TTN: variants seen among roughly 807,000 people sequenced by gnomAD.
The protein encoded by TTN is connectin.
A neutral mutation model predicts 3,223.0 loss-of-function variants in TTN; 1,525 were observed. The ratio of observed to expected loss-of-function variants is 0.47; its 90% confidence interval spans 0.45 to 0.49. The LOEUF is 0.49. Ranked by LOEUF, TTN falls within the 20% of genes least tolerant of loss-of-function variation. The probability of loss-of-function intolerance (pLI) is 0.00; values close to 1 mark genes in which losing one functional copy is unlikely to be tolerated. For synonymous variants in TTN, 14,094 were observed against 15,161.0 expected (o/e 0.93, Z 5.17); for missense variants, 40,786 against 43,424.0 (o/e 0.94, Z 5.40).
Position 178,659,157 on chromosome 2 carries a change from C to G in TTN, c.37369+15G>C. 1.6e-6 allele frequency: 1 copy of G among 644,500 alleles called. No homozygotes were observed. Among genetic ancestry groups the G allele is most frequent in the Non-Finnish European group, 2.5e-6 (1 of 396,382 alleles). The allele number at this position is 644,500 out of a possible 1,614,324, so 39.9% of individuals were successfully genotyped here. A position where few individuals can be genotyped will look rare whatever the true frequency, so the allele number is the denominator to read the frequency against. Reference sequence around the variant, plus strand: ...AAACAAACAATATCAAACACAGCAACAAGAGGGTGTCTACCTTTTGTGGGT... The same window carrying G: ...AAACAAACAATATCAAACACAGCAAGAAGAGGGTGTCTACCTTTTGTGGGT... On this transcript the variant is annotated intron_variant, in intron 181 of 362. Transcript: ENST00000589042.
At chr2:178,733,946 A>G (rs969262550) in intron 52 of TTN, 54 bp from the exon 53 acceptor site, 2 of 1,482,406 alleles carry the variant, frequency 1.3e-6, no homozygotes, top group South Asian at 1.4e-5. Context: ...CACTTTCAAC[A>G]CCATCTATAT....
chr2:178,529,035 A>T lies in TTN; in HGVS notation c.106716T>A (p.Ile35572=). 1 of 1,613,952 alleles carries T rather than the reference A, an allele frequency of 6.2e-7. No individual in the cohort carries two copies. ...CTGCTGATTTCTTGACTTCTTCAGAAATCAGAACCTTTGAAGCTTCCTCTT... is the reference window on the plus strand; with the variant it reads ...CTGCTGATTTCTTGACTTCTTCAGATATCAGAACCTTTGAAGCTTCCTCTT... ...ALKEEASKVL[I]SEEVKKSAAT... The change falls in exon 360 of 363, where the codon ATT becomes ATA. Residue 35572 remains isoleucine (I), a synonymous_variant. Coordinates refer to ENST00000589042, the MANE Select transcript of TTN (RefSeq NM_001267550.2).
In TTN at chr2:178,557,915, TAAC is replaced by T; in HGVS notation, c.87436_87438del (p.Val29146del). Reference sequence around the variant, plus strand: ...ACACTTTCTTCAGTTATATCACTAATAACAACAGGGCCAGTTGGAGGACCAGGC... The same window carrying T: ...ACACTTTCTTCAGTTATATCACTAATAACAGGGCCAGTTGGAGGACCAGGC... On this transcript the variant is annotated inframe_deletion, in exon 328 of 363. Transcript: ENST00000589042. 3.7e-6 allele frequency: 6 copies of T among 1,613,480 alleles called. No homozygotes were observed. Among genetic ancestry groups the T allele is most frequent in the Non-Finnish European group, 5.1e-6 (6 of 1,179,856 alleles).
At chr2:178,799,221 C>T (rs1273545127) in intron 6 of TTN, 3 of 463,942 alleles carry the variant, frequency 6.5e-6, no homozygotes, top group African/African-American at 2.0e-5. Context: ...CCAAGATCAC[C>T]CTGACCTGCC....
chr2:178,583,170 C>G lies in TTN; in HGVS notation c.65633G>C (p.Gly21878Ala), dbSNP rs767001973. 8.7e-6 allele frequency: 14 copies of G among 1,611,764 alleles called. No individual in the cohort carries two copies. Among genetic ancestry groups the G allele is most frequent in the East Asian group, 2.2e-5 (1 of 44,596 alleles). Residue 21878 changes from glycine (G) to alanine (A), a missense_variant, in exon 313 of 363, where the codon GGA (glycine) becomes GCA (alanine). Gly to Ala is a moderately conservative substitution (Grantham distance 60). Transcript: ENST00000589042. ...AGTAGCATCCAAGCAGACATTAGTT[C>G]CAGCTTTCACAGTAAGCAAAGATTT... ...AMKSLLTVKA[G>A]TNVCLDATVF...
In TTN at chr2:178,561,779, C is replaced by T. The variant is rs72648220; in HGVS notation, c.84353G>A (p.Arg28118His). 30 of 1,613,560 alleles carry T rather than the reference C, an allele frequency of 1.9e-5. No individual in the cohort carries two copies. Among genetic ancestry groups the T allele is most frequent in the Admixed American group, 1.0e-4 (6 of 59,994 alleles). Reference sequence around the variant, plus strand: ...CTGATACTCACTTCCTGTTGTCAGGCGAACTATTTTAATGGATGTTCTTGC... The same window carrying T: ...CTGATACTCACTTCCTGTTGTCAGGTGAACTATTTTAATGGATGTTCTTGC... ...AVARTSIKIV[R>H]LTTGSEYQFR... is the part of the protein sequence containing the mutation. Residue 28118 changes from arginine (R) to histidine (H), a missense_variant, in exon 326 of 363, where the codon CGC (arginine) becomes CAC (histidine). Transcript: ENST00000589042.
chr2:178,681,967 TC>T (rs1468078479), intron 135 of TTN, among the ~76,000 whole-genome samples: 1 of 152,008 alleles, frequency 6.6e-6, no homozygotes, highest in East Asian at 1.9e-4. Context: ...TCATTTCATT[TC>T]AGGTAGATAA....
chr2:178,628,227 AG>A (rs551341882), intron 240 of TTN, among the ~76,000 whole-genome samples: 176 of 152,192 alleles, frequency 1.2e-3, no homozygotes, highest in Non-Finnish European at 1.4e-3. Flanking sequence ...TTTGTTTCAA[AG>A]CAGTTACTTG....
intron 253 of TTN, 65 bp from the exon 254 acceptor site, chr2:178,617,577 G>A: frequency 1.4e-6 from 2 of 1,468,298 alleles, no homozygotes; most frequent in Non-Finnish European, 1.8e-6. Context: ...AAACAGTGTT[G>A]TAATCAATTA....
chr2:178,672,227 G>T lies in TTN; in HGVS notation c.34971C>A (p.Arg11657=), dbSNP rs2067128451. The stretch of plus-strand genomic sequence containing the variant: ...GTCTTTCTTTTACTACTACTTCTTG[G>T]CGGAAGGCAACTGATACTTTTTCTT... ...VLEEKVSVAF[R]QEVVVKERLE... is the part of the protein sequence containing the mutation. Residue 11657 remains arginine (R), a synonymous_variant, in exon 155 of 363, where the codon CGC becomes CGA. Coordinates refer to ENST00000589042, the MANE Select transcript of TTN (RefSeq NM_001267550.2). 3.2e-6 allele frequency: 5 copies of T among 1,566,588 alleles called. No homozygotes were observed. In the African/African-American group the frequency reaches 5.5e-5, roughly 17 times the overall value.
intron 47 of TTN, chr2:178,750,093 C>A: frequency 6.2e-7 from 1 of 1,613,144 alleles, no homozygotes; most frequent in Non-Finnish European, 8.5e-7. Flanking sequence ...TGAATTTCTA[C>A]AGGAAAGGAA....
chr2:178,714,163 A>C lies in TTN; in HGVS notation c.26495T>G (p.Ile8832Ser). ...ATLSVLEPAT[I>S]VEKPESIKVT... ...TTTTATGGATTCTGGCTTTTCTACA[A>C]TTGTTGCAGGCTCTGGAATGAAATG... Residue 8832 changes from isoleucine (I) to serine (S), a missense_variant, in exon 92 of 363, where the codon ATT (isoleucine) becomes AGT (serine). Coordinates refer to ENST00000589042, the MANE Select transcript of TTN (RefSeq NM_001267550.2). 1.2e-6 allele frequency: 2 copies of C among 1,610,344 alleles called. No individual in the cohort carries two copies. Among genetic ancestry groups the C allele is most frequent in the Non-Finnish European group, 1.7e-6 (2 of 1,178,300 alleles).
chr2:178,528,704 C>T lies in TTN; in HGVS notation c.107047G>A (p.Glu35683Lys). Residue 35683 changes from glutamate (E) to lysine (K), a missense_variant, in exon 360 of 363, where the codon GAA becomes AAA. Physicochemically the swap from Glu to Lys is moderately conservative, Grantham distance 56. Coordinates refer to ENST00000589042, the MANE Select transcript of TTN (RefSeq NM_001267550.2). Reference protein sequence around the residue: ...GILTCISKTKEGIVKCQYDLT... With the variant: ...GILTCISKTKKGIVKCQYDLT... ...TCATACTGACACTTGACGATTCCTT[C>T]CTTGGTTTTGCTTATGCAGGTGAGG... 6.2e-7 allele frequency: 1 copy of T among 1,613,570 alleles called. No individual in the cohort carries two copies. The highest frequency in any genetic ancestry group is 1.1e-5 in the South Asian group (1 of 91,004).
At position 178,576,042 on chromosome 2, in the gene TTN, T is replaced by A; in HGVS notation, c.70090A>T (p.Ile23364Leu). ...GGACGACCTTTAATTGGCACAAATA[T>A]CCTAATACTGAGTCCTGCTCTAACA... is the stretch of plus-strand genomic sequence containing the variant. Reference protein sequence around the residue: ...LVVRAGLSIRIFVPIKGRPAP... With the variant: ...LVVRAGLSIRLFVPIKGRPAP... Residue 23364 changes from isoleucine (I) to leucine (L), a missense_variant, in exon 326 of 363, where the codon ATA (isoleucine) becomes TTA (leucine). Coordinates refer to ENST00000589042, the MANE Select transcript of TTN (RefSeq NM_001267550.2). The surrounding 1 kb of genome is among the most constrained non-coding windows in gnomAD (Gnocchi z 4.3). The A allele has an allele frequency of 5.6e-6, 9 of 1,613,516 alleles. No homozygotes were observed. The highest frequency in any genetic ancestry group is 7.6e-6 in the Non-Finnish European group (9 of 1,179,620).
Position 178,575,749 on chromosome 2 carries a change from T to C in TTN, c.70383A>G (p.Ile23461Met). ...AGTTTGTTATACGTGAGCCTCCATC[T>C]ATCAGAGGGAGGTCCCAGTGCAGGG... ...SVTLHWDLPL[I>M]DGGSRITNYI... The change falls in exon 326 of 363, where the codon ATA becomes ATG. Residue 23461 changes from isoleucine to methionine, a missense_variant. Coordinates refer to ENST00000589042, the MANE Select transcript of TTN (RefSeq NM_001267550.2). The surrounding 1 kb of genome is among the most constrained non-coding windows in gnomAD (Gnocchi z 4.0). The C allele has an allele frequency of 6.2e-7, 1 of 1,613,520 alleles. No individual in the cohort carries two copies. Among genetic ancestry groups the C allele is most frequent in the Non-Finnish European group, 8.5e-7 (1 of 1,179,604 alleles).
rs778646316 is a variant in TTN at position 178,571,075 on chromosome 2, T to C, written c.75057A>G (p.Thr25019=). The C allele has an allele frequency of 3.1e-6, 5 of 1,612,890 alleles. No individual in the cohort carries two copies. The East Asian group carries it at 6.7e-5, about 22-fold the overall frequency. Residue 25019 remains threonine, a synonymous_variant, in exon 326 of 363, where the codon ACA becomes ACG. Transcript: ENST00000589042. ...TCCACTGAAGAGTCACAGAATTCCT[T>C]GTGACAATGATTGCCTCTGGCCGTC... ...PPGRPEAIIV[T]RNSVTLQWKK... is the part of the protein sequence containing the mutation.
rs1241605082 is a variant in TTN, at chr2:178,570,491, A to G, written c.75641T>C (p.Ile25214Thr). The G allele has an allele frequency of 6.2e-7, 1 of 1,613,268 alleles. No homozygotes were observed. ...GCATTTTTCTGCTGTAACTCCTGAG[A>G]TAACAACAGGTCCTTCAGGTGGCCC... The part of the protein sequence containing the change: ...RPGPPEGPVV[I>T]SGVTAEKCTL... Residue 25214 changes from isoleucine (I) to threonine (T), a missense_variant, in exon 326 of 363, where the codon ATC (isoleucine) becomes ACC (threonine). Coordinates refer to ENST00000589042, the MANE Select transcript of TTN (RefSeq NM_001267550.2).
Position 178,593,722 on chromosome 2 carries a change from G to A in TTN, c.58578C>T (p.Val19526=). 6.2e-7 allele frequency: 1 copy of A among 1,613,318 alleles called. No homozygotes were observed. Among genetic ancestry groups the A allele is most frequent in the South Asian group, 1.1e-5 (1 of 91,060 alleles). The change falls in exon 298 of 363, where the codon GTC becomes GTT. Residue 19526 remains valine, a synonymous_variant. Transcript: ENST00000589042. Reference sequence around the variant, plus strand: ...CACTTGCAGATGTCACTGGCATCCAGACGTCTTTACCCACTTCCTTCTTCT... The same window carrying A: ...CACTTGCAGATGTCACTGGCATCCAAACGTCTTTACCCACTTCCTTCTTCT... The part of the protein sequence containing the change: ...IIEKKEVGKD[V]WMPVTSASAK...
rs72677242 is a variant in TTN, at chr2:178,614,880, G to T, written c.48727C>A (p.Pro16243Thr). The T allele has an allele frequency of 1.0e-4, 164 of 1,575,848 alleles. No individual in the cohort carries two copies. Among genetic ancestry groups the T allele is most frequent in the Non-Finnish European group, 1.4e-4 (162 of 1,159,264 alleles). ...NRQGASKPSRPTEEIQAVDTQ... is the reference protein window; with the variant it reads ...NRQGASKPSRTTEEIQAVDTQ... ...TCCACAGCCTGGATTTCCTCTGTGG[G>T]TCTGCTTGGTTTGCTAGCACCCTGC... Residue 16243 changes from proline to threonine, a missense_variant, in exon 260 of 363, where the codon CCC (proline) becomes ACC (threonine). Coordinates refer to ENST00000589042, the MANE Select transcript of TTN (RefSeq NM_001267550.2).
Sources: allele counts gnomAD v4.1 joint callset (sites outside exome capture counted in the v4.1 genomes callset), GRCh38; gene constraint gnomAD v4.1.1; non-coding constraint Gnocchi (gnomAD v3.1); transcripts MANE v1.5; gene names NCBI Gene and HGNC (gene_info 2026-07-23, HGNC 2026-07-21).